Variants in DNAH14 observed in about 807,000 individuals in gnomAD.
DNAH14 encodes dynein axonemal heavy chain 14.
A neutral mutation model predicts 520.9 loss-of-function variants in DNAH14; 478 were observed. The observed-to-expected ratio is 0.92, with a 90% confidence interval of 0.85 to 0.99. DNAH14 has a LOEUF of 0.99. Ranked by LOEUF, DNAH14 falls within the 50% of genes least tolerant of loss-of-function variation. The pLI is 0.00. For missense variants in DNAH14, 4,831 were observed against 5,234.5 expected, an observed-to-expected ratio of 0.92 and a Z score of 2.38; for synonymous variants, 1,581 against 1,757.2, an observed-to-expected ratio of 0.90 and a Z score of 2.51.
intron 69 of DNAH14, among the ~76,000 whole-genome samples, chr1:225,344,051 T>C (rs922130669): frequency 2.0e-5 from 3 of 152,240 alleles, no homozygotes; most frequent in Non-Finnish European, 1.5e-5. Context: ...CTTTGCTGTT[T>C]ATTCTCTACC....
intron 10 of DNAH14, among the ~76,000 whole-genome samples, chr1:225,021,500 A>T (rs1364128226): frequency 6.6e-6 from 1 of 152,198 alleles, no homozygotes; most frequent in Non-Finnish European, 1.5e-5. Context: ...CACCAAAAAC[A>T]TCCAAACTGA....
At chr1:225,358,044 G>A (rs938569709) in intron 73 of DNAH14, among the ~76,000 whole-genome samples, 1 of 152,156 alleles carries the variant, frequency 6.6e-6, no homozygotes, top group African/African-American at 2.4e-5. Context: ...AACATATAAA[G>A]ATTGTGCCAT....
intron 36 of DNAH14, among the ~76,000 whole-genome samples, chr1:225,175,256 T>G (rs1476583383): frequency 6.6e-6 from 1 of 152,178 alleles, no homozygotes; most frequent in Non-Finnish European, 1.5e-5. Flanking sequence ...CTTTAAAAGT[T>G]TGGTAGAATT....
At chr1:225,206,791 A>T (rs1401057286) in intron 40 of DNAH14, among the ~76,000 whole-genome samples, 177 bp from the exon 41 acceptor site, 1 of 152,186 alleles carries the variant, frequency 6.6e-6, no homozygotes, top group East Asian at 1.9e-4. Flanking sequence ...GAAGTCACAA[A>T]TCATTCCAGA....
chr1:225,213,863 T>G (rs1405220234), intron 41 of DNAH14, among the ~76,000 whole-genome samples: 1 of 152,202 alleles, frequency 6.6e-6, no homozygotes, highest in Non-Finnish European at 1.5e-5. Flanking sequence ...ACAGGGATAA[T>G]TTGACTTCCT....
rs1023462892 is a variant in DNAH14 at position 225,144,743 on chromosome 1, G to A, written c.4740+115G>A. ...ATTAAGATGTTCATTGCATTAACAA[G>A]CACATTCATTAACTCACATATAATT... On this transcript the variant is annotated intron_variant, in intron 29 of 85. Coordinates refer to ENST00000682510, the MANE Select transcript of DNAH14 (RefSeq NM_001367479.1). 2.8e-5 allele frequency: 22 copies of A among 784,372 alleles called. No homozygotes were observed. The Admixed American group carries it at 5.6e-4, about 20-fold the overall frequency. 48.6% of individuals were successfully genotyped at this position (784,372 alleles called of 1,614,324 possible). A position where few individuals can be genotyped will look rare whatever the true frequency, so the allele number is the denominator to read the frequency against.
intron 21 of DNAH14, among the ~76,000 whole-genome samples, chr1:225,094,358 A>G (rs766361761): frequency 1.3e-5 from 2 of 152,130 alleles, no homozygotes; most frequent in Non-Finnish European, 2.9e-5. Flanking sequence ...GACAAAGTTG[A>G]CAAAAACAAG....
chr1:225,268,463 T>C (rs1025772332), intron 49 of DNAH14, among the ~76,000 whole-genome samples: 1 of 152,232 alleles, frequency 6.6e-6, no homozygotes, highest in Non-Finnish European at 1.5e-5. Flanking sequence ...AACATAGTTT[T>C]GGAAGTTCTG....
intron 73 of DNAH14, among the ~76,000 whole-genome samples, chr1:225,357,105 G>A (rs1276565733): frequency 1.3e-5 from 2 of 152,140 alleles, no homozygotes; most frequent in Admixed American, 6.6e-5. Flanking sequence ...ATTTCTCAGA[G>A]TTCCATGAAG....
At chr1:225,070,524 A>T (rs1027094354) in intron 17 of DNAH14, among the ~76,000 whole-genome samples, 6 of 151,992 alleles carry the variant, frequency 3.9e-5, no homozygotes, top group Non-Finnish European at 1.5e-5. Flanking sequence ...ATTTGAGTGA[A>T]TTTCTTGGTT....
At chr1:225,383,888 T>G (rs1049434855) in intron 81 of DNAH14, among the ~76,000 whole-genome samples, 11 of 152,206 alleles carry the variant, frequency 7.2e-5, no homozygotes, top group African/African-American at 2.7e-4. Flanking sequence ...TGCTATAAAT[T>G]TCCCCTACAC....
chr1:225,053,088 T>G (rs1021268381), intron 17 of DNAH14, among the ~76,000 whole-genome samples: 4 of 152,110 alleles, frequency 2.6e-5, no homozygotes, highest in Admixed American at 2.6e-4. Context: ...TTGCTTTTAT[T>G]TTATTTACTA....
chr1:225,354,391 T>C (rs2095407683), intron 73 of DNAH14: 4 of 630,932 alleles, frequency 6.3e-6, no homozygotes, highest in South Asian at 1.8e-5. Flanking sequence ...CCAGCACCTC[T>C]ATTTCTCAAT....
Position 225,392,424 on chromosome 1 carries a change from ACT to A in DNAH14, c.13466_13467del (p.Leu4489GlnfsTer8). ...EKFSVFMPKKLNIVRRAFKGS... is the reference protein window; with the variant it reads ...EKFSVFMPKKXNIVRRAFKGS... Reference sequence around the variant, plus strand: ...AGTTCTCCGTATTTATGCCAAAGAAACTCAACATAGTCAGGAGAGCGTTTAAG... The same window carrying A: ...AGTTCTCCGTATTTATGCCAAAGAAACAACATAGTCAGGAGAGCGTTTAAG... On this transcript the variant is annotated frameshift_variant, in exon 84 of 86. Transcript: ENST00000682510. LOFTEE classifies it high-confidence loss of function. 1 of 1,551,868 alleles carries A rather than the reference ACT, an allele frequency of 6.4e-7. No individual in the cohort carries two copies. The highest frequency in any genetic ancestry group is 8.7e-7 in the Non-Finnish European group (1 of 1,147,042).
chr1:224,962,155 C>T (rs1254024864), intron 4 of DNAH14, among the ~76,000 whole-genome samples: 1 of 151,412 alleles, frequency 6.6e-6, no homozygotes, highest in Non-Finnish European at 1.5e-5. Flanking sequence ...CTAAGATGCC[C>T]TCCAGTATTC....
At chr1:225,159,249 C>A in intron 34 of DNAH14, 65 bp from the exon 35 acceptor site, 2 of 1,325,364 alleles carry the variant, frequency 1.5e-6, no homozygotes, top group Admixed American at 2.3e-5. Flanking sequence ...TGTTAATGGT[C>A]TTCAGTGTCT....
At chr1:224,952,178 C>T (rs1227013448) in intron 1 of DNAH14, among the ~76,000 whole-genome samples, 2 of 152,154 alleles carry the variant, frequency 1.3e-5, no homozygotes, top group East Asian at 3.9e-4. Context: ...AGAAACTCCC[C>T]TTTTTATATT....
At chr1:224,997,912 A>G (rs1162874979) in intron 8 of DNAH14, among the ~76,000 whole-genome samples, 14 of 152,126 alleles carry the variant, frequency 9.2e-5, no homozygotes, top group Admixed American at 8.5e-4. Context: ...TCTCACTCAT[A>G]GGTGGGAATT....
chr1:225,110,682 A>C (rs2076414121), intron 23 of DNAH14, among the ~76,000 whole-genome samples: 2 of 148,214 alleles, frequency 1.3e-5, no homozygotes, highest in South Asian at 4.3e-4. Flanking sequence ...TCTGATCTTT[A>C]TTTTCTTCTA....
Sources: gnomAD v4.1 joint callset for allele counts (sites outside exome capture counted in the v4.1 genomes callset) on GRCh38, gnomAD v4.1.1 for gene constraint, MANE v1.5 for transcripts, NCBI Gene and HGNC (gene_info 2026-07-23, HGNC 2026-07-21) for gene names.